The following CENPP variants were observed in gnomAD, a reference collection of about 807,000 sequenced individuals.
The protein encoded by CENPP is centromere protein P.
In CENPP, 24 loss-of-function variants were observed where a neutral mutation model predicts 35.6. That is an observed-to-expected ratio of 0.67 (90% confidence interval 0.49 to 0.95). CENPP has a LOEUF of 0.95. Ranked by LOEUF, CENPP falls within the 40% of genes least tolerant of loss-of-function variation. The pLI, the probability that CENPP is intolerant of heterozygous loss-of-function variation, is 0.00. For synonymous variants in CENPP, 120 were observed against 125.5 expected (o/e 0.96, Z 0.29); for missense variants, 332 against 345.3 (o/e 0.96, Z 0.31).
At chr9:92,503,977 G>A (rs561893612) in intron 5 of CENPP, among the ~76,000 whole-genome samples, 2 of 152,290 alleles carry the variant, frequency 1.3e-5, no homozygotes, top group South Asian at 4.2e-4. Context: ...GCATTTGTGC[G>A]CTTGTATGCC....
chr9:92,473,768 T>A (rs1445451751), intron 5 of CENPP, among the ~76,000 whole-genome samples: 2 of 152,266 alleles, frequency 1.3e-5, no homozygotes, highest in Non-Finnish European at 2.9e-5. Flanking sequence ...TTTTGTCATA[T>A]AATGACAAAC....
In CENPP at chr9:92,337,612, C is replaced by T; in HGVS notation, c.361C>T (p.Gln121Ter). ...CHMVTFQLEF[Q>*]ILEIQNKERL... ...CATGGTTACATTTCAACTTGAATTTCAGATTCTGGAAATTCAGGTAAATTA... is the reference window on the plus strand; with the variant it reads ...CATGGTTACATTTCAACTTGAATTTTAGATTCTGGAAATTCAGGTAAATTA... Residue 121 changes from glutamine to a stop codon, truncating the protein, a stop_gained, in exon 3 of 8, where the codon CAG (glutamine) becomes TAG (stop). Coordinates refer to ENST00000375587, the MANE Select transcript of CENPP (RefSeq NM_001012267.3). LOFTEE classifies it high-confidence loss of function. The T allele has an allele frequency of 1.3e-6, 2 of 1,598,444 alleles. No homozygotes were observed. The highest frequency in any genetic ancestry group is 1.7e-6 in the Non-Finnish European group (2 of 1,165,840).
chr9:92,541,408 C>G lies in CENPP; in HGVS notation c.565-69906C>G, dbSNP rs1289950834. On this transcript the variant is annotated intron_variant, in intron 5 of 7. Coordinates refer to ENST00000375587, the MANE Select transcript of CENPP (RefSeq NM_001012267.3). ...CTACTGCAACCTCCACTGCCACCCC[C>G]CTTCCCCCTCCCCACCCCGCCCACA... 3.2e-5 allele frequency among the ~76,000 whole-genome samples: 3 copies of G among 92,568 alleles called. No individual in the cohort carries two copies. The East Asian group carries it at 7.9e-4, about 24-fold the overall frequency. The allele number at this position is 92,568 out of a possible 152,430, so 60.7% of individuals were successfully genotyped here. A position where few individuals can be genotyped will look rare whatever the true frequency, so the allele number is the denominator to read the frequency against.
chr9:92,576,593 A>G (rs574781238), intron 5 of CENPP, among the ~76,000 whole-genome samples: 17 of 152,194 alleles, frequency 1.1e-4, no homozygotes, highest in Non-Finnish European at 2.4e-4. Flanking sequence ...TGGGATATGT[A>G]TATCTATTGA....
intron 5 of CENPP, chr9:92,415,198 C>T: frequency 6.2e-7 from 1 of 1,613,432 alleles, no homozygotes; most frequent in Non-Finnish European, 8.5e-7. Context: ...CCCTTCTGCT[C>T]CTTCTTGTTC....
chr9:92,394,586 G>A (rs1050285181), intron 5 of CENPP, among the ~76,000 whole-genome samples: 3 of 151,222 alleles, frequency 2.0e-5, no homozygotes, highest in Admixed American at 6.6e-5. Context: ...AAATAAACAT[G>A]TCAAATTTTA....
chr9:92,539,350 C>A lies in CENPP; in HGVS notation c.565-71964C>A, dbSNP rs890259103. Among the ~76,000 whole-genome samples, 6 of 142,528 alleles carry A rather than the reference C, an allele frequency of 4.2e-5. No homozygotes were observed. In the East Asian group the frequency reaches 8.9e-4, roughly 21 times the overall value. The allele number at this position is 142,528 out of a possible 152,430, so 93.5% of individuals were successfully genotyped here. ...TTTCTCCCGCCTTCCCCCGCTCCCC[C>A]ACCCCCCACCCCAACCCACTGCCTG... On this transcript the variant is annotated intron_variant, in intron 5 of 7. Transcript: ENST00000375587.
intron 5 of CENPP, among the ~76,000 whole-genome samples, chr9:92,396,568 ATTT>A (rs34456971): frequency 6.9e-6 from 1 of 144,182 alleles, no homozygotes; most frequent in Non-Finnish European, 1.5e-5. Flanking sequence ...ACATACCTTT[ATTT>A]TTTTTTTTTT....
intron 5 of CENPP, among the ~76,000 whole-genome samples, chr9:92,550,120 G>A (rs772451693): frequency 2.0e-5 from 3 of 152,078 alleles, no homozygotes; most frequent in Admixed American, 6.5e-5. Context: ...TCATTGGGCC[G>A]GGCGTGGTGG....
intron 5 of CENPP, among the ~76,000 whole-genome samples, chr9:92,390,684 A>G (rs1205844335): frequency 2.0e-5 from 3 of 152,186 alleles, no homozygotes; most frequent in Admixed American, 6.5e-5. Flanking sequence ...TAAAATTACC[A>G]CAAGTGTTGA....
chr9:92,499,640 T>C (rs1846554647), intron 5 of CENPP, among the ~76,000 whole-genome samples: 1 of 152,224 alleles, frequency 6.6e-6, no homozygotes, highest in Non-Finnish European at 1.5e-5. Context: ...ACCTGTGAAG[T>C]ATTTTTGCCA....
At chr9:92,598,745 G>GT (rs35301833) in intron 5 of CENPP, among the ~76,000 whole-genome samples, 32,548 of 144,432 alleles carry the variant, frequency 0.23, 4,485 homozygotes, top group African/African-American at 0.4. Flanking sequence ...AACTGAAGGG[G>GT]TTTTTTTTTT....
chr9:92,571,375 T>C (rs1196075890), intron 5 of CENPP, among the ~76,000 whole-genome samples: 1 of 152,226 alleles, frequency 6.6e-6, no homozygotes. Flanking sequence ...TCAGTTTCCA[T>C]GTAGTTGAGC....
At chr9:92,525,361 C>T (rs1848327914) in intron 5 of CENPP, among the ~76,000 whole-genome samples, 1 of 151,936 alleles carries the variant, frequency 6.6e-6, no homozygotes, top group Non-Finnish European at 1.5e-5. Context: ...ACCCTGCAAG[C>T]ATTTGACTCA....
chr9:92,603,929 G>A (rs1291905652), intron 5 of CENPP, among the ~76,000 whole-genome samples: 2 of 152,152 alleles, frequency 1.3e-5, no homozygotes, highest in African/African-American at 4.8e-5. Context: ...CTTCATCCTT[G>A]CCCTTCTCCC....
At chr9:92,494,202 C>T (rs1846251643) in intron 5 of CENPP, 10 of 1,559,152 alleles carry the variant, frequency 6.4e-6, no homozygotes, top group Non-Finnish European at 8.7e-6. Flanking sequence ...GTATCTGTCT[C>T]TGTGTCATCC....
At chr9:92,414,942 T>C (rs972945962) in intron 5 of CENPP, 1 of 360,642 alleles carries the variant, frequency 2.8e-6, no homozygotes, top group African/African-American at 2.1e-5. Context: ...CTTGTCATTC[T>C]AATTTATATT....
At chr9:92,380,922 T>C (rs553227289) in intron 5 of CENPP, among the ~76,000 whole-genome samples, 8 of 152,180 alleles carry the variant, frequency 5.3e-5, no homozygotes, top group Non-Finnish European at 1.2e-4. Context: ...AGGTATGAAG[T>C]ATAATTGGTG....
intron 5 of CENPP, among the ~76,000 whole-genome samples, chr9:92,584,391 C>G (rs1189770968): frequency 1.3e-5 from 2 of 152,180 alleles, no homozygotes; most frequent in Non-Finnish European, 2.9e-5. Flanking sequence ...CTCTATCACC[C>G]AGGCTAGAGT....
Sources: allele counts gnomAD v4.1 joint callset (sites outside exome capture counted in the v4.1 genomes callset), GRCh38; gene constraint gnomAD v4.1.1; transcripts MANE v1.5; gene names NCBI Gene and HGNC (gene_info 2026-07-23, HGNC 2026-07-21).